The following SLIT2 variants were observed in gnomAD, a reference collection of about 807,000 sequenced individuals.
SLIT2 encodes slit homolog 2 protein.
A neutral mutation model predicts 185.7 loss-of-function variants in SLIT2; 41 were observed. That is an observed-to-expected ratio of 0.22 (90% CI 0.17 to 0.29). The LOEUF (loss-of-function observed/expected upper bound fraction) is 0.29, where lower values mean the gene tolerates loss of function less well. Among genes scored for constraint, SLIT2 ranks in the 10% least tolerant of loss-of-function variants. SLIT2 has a pLI of 1.00. For missense variants in SLIT2, 1,571 were observed against 1,909.0 expected (o/e 0.82, Z 3.30); for synonymous variants, 693 against 680.2 (o/e 1.02, Z -0.29).
chr4:20,529,124 C>A, intron 16 of SLIT2, 25 bp downstream of exon 16: 1 of 1,556,636 alleles, frequency 6.4e-7, no homozygotes, highest in Non-Finnish European at 8.8e-7. Flanking sequence ...CAACAAAATT[C>A]TGGTTGGGAT....
intron 4 of SLIT2, chr4:20,364,244 A>G (rs1722945780): frequency 1.0e-6 from 1 of 984,516 alleles, no homozygotes; most frequent in Admixed American, 6.2e-5. Context: ...GCATCCACAA[A>G]GACAGCTTTC....
At chr4:20,500,880 A>G (rs901252207) in intron 9 of SLIT2, among the ~76,000 whole-genome samples, 3 of 152,202 alleles carry the variant, frequency 2.0e-5, no homozygotes, top group African/African-American at 7.2e-5. Flanking sequence ...CCTATGTACT[A>G]TGAAAGTACT....
At chr4:20,470,347 G>C (rs1714847193) in intron 5 of SLIT2, among the ~76,000 whole-genome samples, 1 of 152,096 alleles carries the variant, frequency 6.6e-6, no homozygotes, top group Non-Finnish European at 1.5e-5. Context: ...AATAGAAAGT[G>C]CTAAATGAAT....
At chr4:20,305,371 A>G (rs1233989470) in intron 4 of SLIT2, among the ~76,000 whole-genome samples, 1 of 152,190 alleles carries the variant, frequency 6.6e-6, no homozygotes, top group Non-Finnish European at 1.5e-5. Context: ...CTGTGAAAAA[A>G]CTGAAATTAA....
At chr4:20,331,211 G>T (rs1720040028) in intron 4 of SLIT2, among the ~76,000 whole-genome samples, 1 of 151,918 alleles carries the variant, frequency 6.6e-6, no homozygotes, top group South Asian at 2.1e-4. Flanking sequence ...AATTCACATA[G>T]GAAAAAACAG....
chr4:20,307,150 C>T (rs1476497855), intron 4 of SLIT2, among the ~76,000 whole-genome samples: 2 of 53,056 alleles, frequency 3.8e-5, no homozygotes, highest in African/African-American at 1.7e-4. Flanking sequence ...CTCCCTCCCT[C>T]CCTCCCTCCC....
At position 20,275,037 on chromosome 4, in the gene SLIT2, C is replaced by T. The variant is rs190342019; in HGVS notation, c.395+6156C>T. On this transcript the variant is annotated intron_variant, in intron 4 of 36. Coordinates refer to ENST00000504154, the MANE Select transcript of SLIT2 (RefSeq NM_004787.4). ...TATCATATTCATGTAAAAAATATAT[C>T]GTATACACATAATCAGGTAATATTT... Among the ~76,000 whole-genome samples the T allele has an allele frequency of 2.0e-3, 310 of 152,062 alleles. 1 individual carries two copies. The highest frequency in any genetic ancestry group is 0.017 in the South Asian group (81 of 4,824).
chr4:20,385,410 A>T (rs952434295), intron 4 of SLIT2, among the ~76,000 whole-genome samples: 1 of 152,112 alleles, frequency 6.6e-6, no homozygotes, highest in African/African-American at 2.4e-5. Flanking sequence ...ATTCATTAGG[A>T]GATTAATGAA....
At chr4:20,618,120 A>G (rs1463502193) in intron 36 of SLIT2, among the ~76,000 whole-genome samples, 1 of 152,170 alleles carries the variant, frequency 6.6e-6, no homozygotes, top group Non-Finnish European at 1.5e-5. Flanking sequence ...GATTTATCAC[A>G]GCAAATCATG....
At chr4:20,346,051 C>T (rs767228884) in intron 4 of SLIT2, among the ~76,000 whole-genome samples, 18 of 152,034 alleles carry the variant, frequency 1.2e-4, no homozygotes, top group Admixed American at 6.6e-5. Flanking sequence ...TAGAGTGCAG[C>T]GGTATGACCA....
At chr4:20,381,499 C>G (rs1056452798) in intron 4 of SLIT2, among the ~76,000 whole-genome samples, 6 of 152,108 alleles carry the variant, frequency 3.9e-5, no homozygotes, top group African/African-American at 1.4e-4. Flanking sequence ...GTTTGAACAA[C>G]TTCTGATTTC....
In SLIT2 at chr4:20,619,120, C is replaced by T. The variant is rs1202042368; in HGVS notation, c.*111C>T. On this transcript the variant is annotated 3_prime_UTR_variant, in exon 37 of 37. Coordinates refer to ENST00000504154, the MANE Select transcript of SLIT2 (RefSeq NM_004787.4). Reference sequence around the variant, plus strand: ...TTGAAATATATTGTAAAATACAGAACAGACTTATTTTTATTATGAGAATAA... The same window carrying T: ...TTGAAATATATTGTAAAATACAGAATAGACTTATTTTTATTATGAGAATAA... 9.1e-7 allele frequency: 1 copy of T among 1,097,566 alleles called. No individual in the cohort carries two copies. Among genetic ancestry groups the T allele is most frequent in the Non-Finnish European group, 1.3e-6 (1 of 795,560 alleles). 68.0% of individuals were successfully genotyped at this position (1,097,566 alleles called of 1,614,324 possible). A position where few individuals can be genotyped will look rare whatever the true frequency, so the allele number is the denominator to read the frequency against.
At chr4:20,527,425 T>G (rs1045542963) in intron 15 of SLIT2, among the ~76,000 whole-genome samples, 2 of 152,144 alleles carry the variant, frequency 1.3e-5, no homozygotes, top group Non-Finnish European at 2.9e-5. Flanking sequence ...TAGCTGGGAC[T>G]ACAGGCGCCC....
chr4:20,617,279 G>A (rs1729737315), intron 35 of SLIT2, 81 bp downstream of exon 35: 2 of 1,369,006 alleles, frequency 1.5e-6, no homozygotes, highest in South Asian at 2.7e-5. Flanking sequence ...AAGAAGAAGG[G>A]GAGGGGACGG....
At chr4:20,583,856 A>G (rs939992832) in intron 29 of SLIT2, among the ~76,000 whole-genome samples, 2 of 151,944 alleles carry the variant, frequency 1.3e-5, no homozygotes, top group African/African-American at 4.8e-5. Flanking sequence ...TAAAAAAGTT[A>G]GGTTCATAGA....
intron 4 of SLIT2, among the ~76,000 whole-genome samples, chr4:20,371,568 A>G (rs1723579309): frequency 1.3e-5 from 2 of 152,064 alleles, no homozygotes; most frequent in African/African-American, 4.8e-5. Flanking sequence ...GGATGATTCT[A>G]TCTGAAGCCC....
At chr4:20,386,370 A>G (rs946562331) in intron 4 of SLIT2, among the ~76,000 whole-genome samples, 7 of 152,216 alleles carry the variant, frequency 4.6e-5, no homozygotes, top group African/African-American at 7.2e-5. Context: ...TATGCTAAAA[A>G]TGCTTCTTTA....
intron 29 of SLIT2, among the ~76,000 whole-genome samples, chr4:20,583,846 T>TA: frequency 6.6e-6 from 1 of 151,448 alleles, no homozygotes; most frequent in African/African-American, 2.4e-5. Flanking sequence ...AAAATAAAAA[T>TA]AAAAAAGTTA....
chr4:20,541,453 A>G lies in SLIT2; in HGVS notation c.1977A>G (p.Leu659=). The G allele has an allele frequency of 6.2e-7, 1 of 1,613,766 alleles. No homozygotes were observed. Among genetic ancestry groups the G allele is most frequent in the East Asian group, 2.2e-5 (1 of 44,846 alleles). The change falls in exon 20 of 37, where the codon CTA becomes CTG. Residue 659 remains leucine (L), a splice_region_variant and synonymous_variant. Transcript: ENST00000504154. ...AFDTLHSLST[L]NLLANPFNCN... ...TGCATCGTTTGCCTGTGGCTCTTAG[A>G]AACCTCTTGGCCAATCCTTTTAACT...
Sources: gnomAD v4.1 joint callset for allele counts (sites outside exome capture counted in the v4.1 genomes callset) on GRCh38, gnomAD v4.1.1 for gene constraint, MANE v1.5 for transcripts, NCBI Gene and HGNC (gene_info 2026-07-23, HGNC 2026-07-21) for gene names.